ARHGAP39: variants seen among roughly 807,000 people sequenced by gnomAD.
ARHGAP39 encodes rho GTPase-activating protein 39.
In ARHGAP39, 44 loss-of-function variants were observed where a neutral mutation model predicts 106.9. The observed-to-expected ratio is 0.41, with a 90% CI of 0.32 to 0.53. The LOEUF (loss-of-function observed/expected upper bound fraction) is 0.53, where lower values mean the gene tolerates loss of function less well. ARHGAP39 is among the 20% of genes least tolerant of loss of function. ARHGAP39 has a pLI of 0.21. For missense variants in ARHGAP39, 1,496 were observed against 1,577.3 expected (o/e 0.95, Z 0.87); for synonymous variants, 768 against 693.2 (o/e 1.11, Z -1.69).
intron 7 of ARHGAP39, among the ~76,000 whole-genome samples, chr8:144,535,862 A>C (rs1457274827): frequency 6.6e-6 from 1 of 152,206 alleles, no homozygotes; most frequent in Non-Finnish European, 1.5e-5. Context: ...GACTGTGACA[A>C]TGCCTGTCTG....
At chr8:144,676,519 G>A (rs528271087) in intron 1 of ARHGAP39, among the ~76,000 whole-genome samples, 2 of 152,140 alleles carry the variant, frequency 1.3e-5, no homozygotes, top group Admixed American at 1.3e-4. Context: ...TGATTGGTGC[G>A]TTTACAAACC....
At chr8:144,659,860 T>C (rs568722828) in intron 1 of ARHGAP39, among the ~76,000 whole-genome samples, 3 of 152,254 alleles carry the variant, frequency 2.0e-5, no homozygotes, top group African/African-American at 7.2e-5. Flanking sequence ...CTCTACATGC[T>C]ACCCTTTGAA....
chr8:144,530,894 A>G, intron 10 of ARHGAP39, 23 bp from the exon 11 acceptor site: 1 of 1,594,772 alleles, frequency 6.3e-7, no homozygotes, highest in Non-Finnish European at 8.5e-7. Context: ...CACGGGGCTC[A>G]GCGGCCCTGC....
chr8:144,590,645 C>T (rs910216386), intron 2 of ARHGAP39, among the ~76,000 whole-genome samples: 11 of 152,178 alleles, frequency 7.2e-5, no homozygotes, highest in East Asian at 3.9e-4. Flanking sequence ...CGGCCTGACA[C>T]GAGTGACTGC....
chr8:144,597,151 CA>C (rs1819653169), intron 2 of ARHGAP39, among the ~76,000 whole-genome samples: 1 of 152,170 alleles, frequency 6.6e-6, no homozygotes, highest in African/African-American at 2.4e-5. Context: ...GGAGGGCGAC[CA>C]GAACCCTAAC....
At chr8:144,630,531 T>C (rs906993685) in intron 1 of ARHGAP39, among the ~76,000 whole-genome samples, 1 of 152,216 alleles carries the variant, frequency 6.6e-6, no homozygotes, top group Non-Finnish European at 1.5e-5. Flanking sequence ...TGGTGTCCCC[T>C]CTGTCCTTTT....
At chr8:144,596,813 C>T (rs1268010358) in intron 2 of ARHGAP39, among the ~76,000 whole-genome samples, 1 of 152,216 alleles carries the variant, frequency 6.6e-6, no homozygotes, top group African/African-American at 2.4e-5. Flanking sequence ...GGAGCGGCCA[C>T]CATGATAGAT....
Position 144,636,970 on chromosome 8 carries a change from G to A in ARHGAP39, c.-81-31275C>T, listed in dbSNP as rs371462511. ...TTATTCTGACCCTCAATCCTGGAAT[G>A]CAATCTGTGTCTTTCTGGAAGCTTT... On this transcript the variant is annotated intron_variant, in intron 1 of 11. Coordinates refer to ENST00000377307, the MANE Select transcript of ARHGAP39 (RefSeq NM_025251.3). Among the ~76,000 whole-genome samples the A allele has an allele frequency of 3.3e-5, 5 of 152,224 alleles. No individual in the cohort carries two copies. The South Asian group carries it at 1.0e-3, about 31-fold the overall frequency.
At chr8:144,561,358 T>C (rs558643704) in intron 3 of ARHGAP39, among the ~76,000 whole-genome samples, 1 of 152,130 alleles carries the variant, frequency 6.6e-6, no homozygotes, top group Non-Finnish European at 1.5e-5. Flanking sequence ...GTGGTTTCCA[T>C]CGGGCCCCAG....
chr8:144,633,143 T>TTTTG (rs199734479), intron 1 of ARHGAP39, among the ~76,000 whole-genome samples: 2,959 of 148,718 alleles, frequency 0.02, 41 homozygotes, highest in South Asian at 0.04. Context: ...CCCTGTTTTT[T>TTTTG]TTTGTTTGTT....
At chr8:144,667,583 G>A (rs1294703420) in intron 1 of ARHGAP39, among the ~76,000 whole-genome samples, 1 of 152,204 alleles carries the variant, frequency 6.6e-6, no homozygotes, top group Non-Finnish European at 1.5e-5. Context: ...TGTACACTAA[G>A]TCTCAATAAA....
At chr8:144,543,579 T>C (rs1586883626) in intron 6 of ARHGAP39, among the ~76,000 whole-genome samples, 1 of 152,260 alleles carries the variant, frequency 6.6e-6, no homozygotes. Flanking sequence ...CAGACGGTGC[T>C]GTTGGCCTTC....
chr8:144,616,370 G>A (rs1388952959), intron 1 of ARHGAP39, among the ~76,000 whole-genome samples: 4 of 152,246 alleles, frequency 2.6e-5, no homozygotes, highest in Admixed American at 2.0e-4. Flanking sequence ...GTGGCTGTGG[G>A]TTGCCCCTGG....
In ARHGAP39 at chr8:144,670,211, T is replaced by C. The variant is rs577347275; in HGVS notation, c.-82+15475A>G. On this transcript the variant is annotated intron_variant, in intron 1 of 11. Transcript: ENST00000377307. This position sits in a 1 kb window ranked among gnomAD's most constrained non-coding sequence, Gnocchi z 4.4. ...TAAAAAGCAACAGAGCTCGGACGCA[T>C]GCTAGAGCGTACCGGGAAGCTGGAT... is the stretch of plus-strand genomic sequence containing the variant. Among the ~76,000 whole-genome samples, 2 of 152,232 alleles carry C rather than the reference T, an allele frequency of 1.3e-5. No individual in the cohort carries two copies. Among genetic ancestry groups the C allele is most frequent in the East Asian group, 1.9e-4 (1 of 5,172 alleles).
chr8:144,560,475 A>G (rs1279707566), intron 3 of ARHGAP39, among the ~76,000 whole-genome samples: 1 of 152,248 alleles, frequency 6.6e-6, no homozygotes, highest in Admixed American at 6.5e-5. Context: ...GGCAAACGTT[A>G]AAGTTGGCTG....
intron 1 of ARHGAP39, among the ~76,000 whole-genome samples, chr8:144,639,298 C>G (rs949334217): frequency 3.4e-5 from 5 of 147,046 alleles, no homozygotes; most frequent in African/African-American, 1.3e-4. Context: ...TGCACTCCAG[C>G]CTGGGTGACA....
chr8:144,581,402 A>G (rs1818985395), intron 2 of ARHGAP39, 125 bp from the exon 3 acceptor site: 1 of 1,115,612 alleles, frequency 9.0e-7, no homozygotes, highest in Non-Finnish European at 1.3e-6. Context: ...AGGAAAGCAA[A>G]CCCAAGCCCA....
At chr8:144,615,814 G>C (rs540173160) in intron 1 of ARHGAP39, among the ~76,000 whole-genome samples, 2 of 152,246 alleles carry the variant, frequency 1.3e-5, no homozygotes, top group Non-Finnish European at 2.9e-5. Context: ...CCAGTGCCTG[G>C]GCCAGGCTGG....
At chr8:144,651,280 C>A (rs1317350200) in intron 1 of ARHGAP39, among the ~76,000 whole-genome samples, 2 of 152,114 alleles carry the variant, frequency 1.3e-5, no homozygotes, top group East Asian at 3.9e-4. Flanking sequence ...AGAAAAACAT[C>A]CCATACTCAT....
Sources: gnomAD v4.1 joint callset for allele counts (sites outside exome capture counted in the v4.1 genomes callset) on GRCh38, gnomAD v4.1.1 for gene constraint, Gnocchi (gnomAD v3.1) non-coding constraint, MANE v1.5 for transcripts, NCBI Gene and HGNC (gene_info 2026-07-23, HGNC 2026-07-21) for gene names.